Variants in ITGAV observed in about 807,000 individuals in gnomAD.
ITGAV encodes integrin subunit alpha V, also known as integrin alpha-V.
In ITGAV, 76 loss-of-function variants were observed where a neutral mutation model predicts 143.8. The ratio of observed to expected loss-of-function variants is 0.53; its 90% CI spans 0.44 to 0.64. The LOEUF (loss-of-function observed/expected upper bound fraction) is 0.64. Ranked by LOEUF, ITGAV falls within the 30% of genes least tolerant of loss-of-function variation. The pLI, the probability that ITGAV is intolerant of heterozygous loss-of-function variation, is 0.00. For missense variants in ITGAV, 1,193 were observed against 1,274.7 expected (o/e 0.94, Z 0.98); for synonymous variants, 453 against 446.7 (o/e 1.01, Z -0.18).
intron 2 of ITGAV, among the ~76,000 whole-genome samples, chr2:186,618,248 G>A (rs955762618): frequency 6.6e-6 from 1 of 152,216 alleles, no homozygotes; most frequent in South Asian, 2.1e-4. Context: ...TAAAAAGATG[G>A]TAACATGAGG....
At position 186,642,530 on chromosome 2, in the gene ITGAV, T is replaced by G. The variant is rs545106384; in HGVS notation, c.1159+942T>G. Among the ~76,000 whole-genome samples the G allele has an allele frequency of 5.5e-5, 7 of 128,304 alleles. No individual in the cohort carries two copies. In the East Asian group the frequency reaches 1.9e-3, roughly 35 times the overall value. The allele number at this position is 128,304 out of a possible 152,430, so 84.2% of individuals were successfully genotyped here. A position where few individuals can be genotyped will look rare whatever the true frequency, so the allele number is the denominator to read the frequency against. On this transcript the variant is annotated intron_variant, in intron 12 of 29. Transcript: ENST00000261023. ...TTTCTTTTTCTTTGTTTCTTTCTTT[T>G]TTTTCTTTTTTTTTTTTTTTTTGAG...
chr2:186,633,009 A>T (rs898469524), intron 5 of ITGAV, among the ~76,000 whole-genome samples: 38 of 151,940 alleles, frequency 2.5e-4, no homozygotes, highest in African/African-American at 8.9e-4. Context: ...AGATACATAG[A>T]CAGATAGATA....
In ITGAV at chr2:186,657,339, G is replaced by GA. The variant is rs1159472777; in HGVS notation, c.1719+942dup. 6.6e-5 allele frequency among the ~76,000 whole-genome samples: 10 copies of GA among 152,268 alleles called. No individual in the cohort carries two copies. The South Asian group carries it at 1.7e-3, about 25-fold the overall frequency. Reference sequence around the variant, plus strand: ...CCTACACCTAACAACTAAAGAATATGAAAACTGACCATGCATAGGCCATAA... The same window carrying GA: ...CCTACACCTAACAACTAAAGAATATGAAAAACTGACCATGCATAGGCCATAA... On this transcript the variant is annotated intron_variant, in intron 17 of 29. Coordinates refer to ENST00000261023, the MANE Select transcript of ITGAV (RefSeq NM_002210.5).
At chr2:186,650,094 G>T (rs2105724287) in intron 14 of ITGAV, among the ~76,000 whole-genome samples, 1 of 152,168 alleles carries the variant, frequency 6.6e-6, no homozygotes, top group South Asian at 2.1e-4. Flanking sequence ...GTGATATTTT[G>T]ATATATTCAT....
intron 2 of ITGAV, among the ~76,000 whole-genome samples, 188 bp from the exon 3 acceptor site, chr2:186,622,151 C>A (rs143789222): frequency 1.3e-5 from 2 of 152,236 alleles, no homozygotes; most frequent in East Asian, 3.9e-4. Flanking sequence ...TCTGGGTCAT[C>A]ATGTATCCTA....
chr2:186,616,567 C>G (rs1242863469), intron 2 of ITGAV, among the ~76,000 whole-genome samples: 2 of 152,046 alleles, frequency 1.3e-5, no homozygotes, highest in Non-Finnish European at 2.9e-5. Flanking sequence ...CGCGAGCCAC[C>G]GCGCCCGGCC....
At chr2:186,596,925 C>T (rs1389242457) in intron 1 of ITGAV, among the ~76,000 whole-genome samples, 1 of 152,150 alleles carries the variant, frequency 6.6e-6, no homozygotes, top group Non-Finnish European at 1.5e-5. Context: ...AAAACTTCAT[C>T]AGCTTTTTTC....
rs764851575 is a variant in ITGAV at position 186,666,757 on chromosome 2, T to C, written c.2220T>C (p.Ser740=). The change falls in exon 22 of 30, where the codon TCT becomes TCC. Residue 740 remains serine (S), a synonymous_variant. Transcript: ENST00000261023. ...ACCAGCAGTCAGAGATGGATACTTCTGTGAAATTTGACTTACAAATCCAAA... is the reference window on the plus strand; with the variant it reads ...ACCAGCAGTCAGAGATGGATACTTCCGTGAAATTTGACTTACAAATCCAAA... ...SVHQQSEMDT[S]VKFDLQIQSS... is the part of the protein sequence containing the mutation. 4 of 1,584,256 alleles carry C rather than the reference T, an allele frequency of 2.5e-6. No homozygotes were observed. The Admixed American group carries it at 5.5e-5, about 22-fold the overall frequency.
chr2:186,590,990 CTT>C (rs1446909124), intron 1 of ITGAV, among the ~76,000 whole-genome samples: 3 of 152,314 alleles, frequency 2.0e-5, no homozygotes, highest in Admixed American at 2.0e-4. Flanking sequence ...CTCCCCCACT[CTT>C]TCCGCCTCTG....
intron 2 of ITGAV, among the ~76,000 whole-genome samples, chr2:186,609,912 TA>T (rs1687168418): frequency 6.6e-6 from 1 of 152,076 alleles, no homozygotes; most frequent in African/African-American, 2.4e-5. Context: ...AATGAGTTTT[TA>T]AAAACATACT....
intron 2 of ITGAV, among the ~76,000 whole-genome samples, chr2:186,615,839 C>T (rs1487503693): frequency 2.6e-5 from 4 of 152,036 alleles, no homozygotes; most frequent in African/African-American, 9.7e-5. Context: ...ACTCTTTTAT[C>T]ATTATGCTTT....
chr2:186,652,478 C>CCATT (rs147153959), intron 15 of ITGAV, among the ~76,000 whole-genome samples: 6,379 of 152,194 alleles, frequency 0.042, 290 homozygotes, highest in African/African-American at 0.11. Context: ...CAGGCATGAG[C>CCATT]CATTGCACCT....
At chr2:186,633,829 T>C (rs913993298) in intron 6 of ITGAV, among the ~76,000 whole-genome samples, 1 of 152,064 alleles carries the variant, frequency 6.6e-6, no homozygotes, top group African/African-American at 2.4e-5. Context: ...TATTTTATTA[T>C]TACTGATATT....
intron 2 of ITGAV, among the ~76,000 whole-genome samples, chr2:186,618,473 C>G (rs1275322218): frequency 3.3e-5 from 5 of 152,158 alleles, no homozygotes; most frequent in Admixed American, 3.3e-4. Context: ...AGACAGATAT[C>G]CATAACTGTT....
chr2:186,669,644 G>A, intron 25 of ITGAV, 57 bp from the exon 26 acceptor site: 1 of 1,165,628 alleles, frequency 8.6e-7, no homozygotes, highest in African/African-American at 1.5e-5. Flanking sequence ...TCAAAATGCT[G>A]ATGTAAAATG....
chr2:186,631,538 A>G (rs1243434006), intron 5 of ITGAV, among the ~76,000 whole-genome samples: 2 of 152,098 alleles, frequency 1.3e-5, no homozygotes, highest in East Asian at 3.8e-4. Flanking sequence ...GAGTATGCAC[A>G]TTTTGAATAT....
intron 10 of ITGAV, among the ~76,000 whole-genome samples, chr2:186,639,650 T>G (rs569496873): frequency 3.3e-5 from 5 of 152,308 alleles, no homozygotes; most frequent in Non-Finnish European, 5.9e-5. Context: ...AGGACAAACC[T>G]GGGTTTTCCA....
rs1475247012 is a variant in ITGAV at position 186,675,910 on chromosome 2, A to T, written c.2911A>T (p.Ile971Phe). ...TTATAAGAATCTTCCAATTGAGGAT[A>T]TCACCAACTCCACATTGGTAAGTCA... ...FPYKNLPIED[I>F]TNSTLVTTNV... is the part of the protein sequence containing the mutation. Residue 971 changes from isoleucine to phenylalanine, a missense_variant, in exon 28 of 30, where the codon ATC becomes TTC. Physicochemically the swap from Ile to Phe is conservative, Grantham distance 21 (BLOSUM62 0). Transcript: ENST00000261023. The T allele has an allele frequency of 6.3e-7, 1 of 1,576,822 alleles. No individual in the cohort carries two copies. The highest frequency in any genetic ancestry group is 1.3e-5 in the African/African-American group (1 of 74,136).
intron 1 of ITGAV, chr2:186,600,246 T>C: frequency 1.6e-6 from 2 of 1,229,920 alleles, no homozygotes; most frequent in South Asian, 1.4e-5. Context: ...TGCCAGGGTC[T>C]TTCTACCTCT....
Sources: gnomAD v4.1 joint callset for allele counts (sites outside exome capture counted in the v4.1 genomes callset) on GRCh38, gnomAD v4.1.1 for gene constraint, MANE v1.5 for transcripts, NCBI Gene and HGNC (gene_info 2026-07-23, HGNC 2026-07-21) for gene names.